ADAMTSL1: variants seen among roughly 807,000 people sequenced by gnomAD.
The protein encoded by ADAMTSL1 is ADAMTS like 1.
ADAMTSL1 carries 126 observed loss-of-function variants against 201.8 expected under a neutral mutation model. The ratio of observed to expected loss-of-function variants is 0.62; its 90% CI spans 0.54 to 0.72. The LOEUF (loss-of-function observed/expected upper bound fraction) is 0.72. Ranked by LOEUF, ADAMTSL1 falls within the 30% of genes least tolerant of loss-of-function variation. The pLI is 0.00. For synonymous variants in ADAMTSL1, 1,121 were observed against 903.4 expected, an observed-to-expected ratio of 1.24 and a Z score of -4.32; for missense variants, 2,679 against 2,277.8, an observed-to-expected ratio of 1.18 and a Z score of -3.59.
At chr9:18,347,827 T>C (rs1418270119) in intron 2 of ADAMTSL1, among the ~76,000 whole-genome samples, 2 of 152,142 alleles carry the variant, frequency 1.3e-5, no homozygotes, top group African/African-American at 2.4e-5. Context: ...AGTTAGGTGT[T>C]GAATGCGGCA....
At chr9:18,245,304 C>A (rs1214405089) in intron 2 of ADAMTSL1, among the ~76,000 whole-genome samples, 1 of 152,094 alleles carries the variant, frequency 6.6e-6, no homozygotes. Context: ...TTTTGACGTT[C>A]AATCAATATT....
chr9:18,514,398 C>T (rs1818237843), intron 2 of ADAMTSL1, among the ~76,000 whole-genome samples: 1 of 141,404 alleles, frequency 7.1e-6, no homozygotes, highest in African/African-American at 2.7e-5. Flanking sequence ...GGCACTATCT[C>T]GGCTCACTGC....
At chr9:18,828,734 C>T (rs1824784359) in intron 22 of ADAMTSL1, among the ~76,000 whole-genome samples, 1 of 134,702 alleles carries the variant, frequency 7.4e-6, no homozygotes, top group Admixed American at 7.4e-5. Context: ...TACACACACA[C>T]ACATATGTAA....
chr9:18,051,612 G>T, intron 1 of ADAMTSL1, among the ~76,000 whole-genome samples: 1 of 151,838 alleles, frequency 6.6e-6, no homozygotes, highest in East Asian at 1.9e-4. Flanking sequence ...ATACAGTTAG[G>T]CTATTCATTT....
intron 2 of ADAMTSL1, among the ~76,000 whole-genome samples, chr9:18,455,780 A>G (rs1306058647): frequency 1.3e-5 from 2 of 149,938 alleles, no homozygotes; most frequent in Non-Finnish European, 3.0e-5. Context: ...ATGTACATAC[A>G]TACACATATA....
intron 2 of ADAMTSL1, among the ~76,000 whole-genome samples, chr9:18,394,829 G>A (rs959068833): frequency 7.9e-5 from 12 of 152,146 alleles, no homozygotes; most frequent in Admixed American, 6.5e-5. Flanking sequence ...GCTATTAAAT[G>A]GAACACTTAA....
chr9:18,769,744 C>T (rs1171234376), intron 16 of ADAMTSL1, among the ~76,000 whole-genome samples: 2 of 152,178 alleles, frequency 1.3e-5, no homozygotes, highest in Admixed American at 1.3e-4. Context: ...GTTTATATCC[C>T]ATCGGCCAGC....
At position 18,706,555 on chromosome 9, in the gene ADAMTSL1, C is replaced by G. The variant is rs1832243302; in HGVS notation, c.1575-192C>G. The G allele has an allele frequency of 8.8e-6, 5 of 566,550 alleles. No homozygotes were observed. In the East Asian group the frequency reaches 1.5e-4, roughly 17 times the overall value. The allele number at this position is 566,550 out of a possible 1,614,324, so 35.1% of individuals were successfully genotyped here. ...GTTCATGTGACATTCATGAAGCAAGCAACCCAGAAACAGTGGCAAAATCGC... is the reference window on the plus strand; with the variant it reads ...GTTCATGTGACATTCATGAAGCAAGGAACCCAGAAACAGTGGCAAAATCGC... On this transcript the variant is annotated intron_variant, in intron 13 of 28. Transcript: ENST00000380548.
chr9:18,776,668 T>C (rs996973199), intron 18 of ADAMTSL1, 113 bp from the exon 19 acceptor site: 5 of 1,243,344 alleles, frequency 4.0e-6, no homozygotes, highest in South Asian at 3.2e-5. Flanking sequence ...CGTCTCTCCT[T>C]CTCTTCTCCA....
intron 16 of ADAMTSL1, among the ~76,000 whole-genome samples, chr9:18,769,047 G>A (rs192950522): frequency 2.0e-5 from 3 of 152,272 alleles, no homozygotes; most frequent in East Asian, 3.9e-4. Flanking sequence ...TGAGGCCCAG[G>A]CATCGGTACT....
At chr9:18,393,294 C>G (rs756343158) in intron 2 of ADAMTSL1, among the ~76,000 whole-genome samples, 1 of 152,134 alleles carries the variant, frequency 6.6e-6, no homozygotes, top group Non-Finnish European at 1.5e-5. Flanking sequence ...CTGTTGCATT[C>G]CACTTAATTG....
intron 1 of ADAMTSL1, among the ~76,000 whole-genome samples, chr9:18,093,904 G>C (rs1824131282): frequency 6.6e-6 from 1 of 152,124 alleles, no homozygotes; most frequent in South Asian, 2.1e-4. Flanking sequence ...AGGTCATTGT[G>C]CAATGGAGCA....
Position 18,622,245 on chromosome 9 carries a change from T to G in ADAMTSL1, c.477T>G (p.Ile159Met). ...TACACATCTCTCTTTCTTGTTAGATTGTTGGCTGCGATCACCAGCTGGGAA... is the reference window on the plus strand; with the variant it reads ...TACACATCTCTCTTTCTTGTTAGATGGTTGGCTGCGATCACCAGCTGGGAA... ...LDMCISGLCQ[I>M]VGCDHQLGST... Residue 159 changes from isoleucine (I) to methionine (M), a missense_variant and splice_region_variant, in exon 5 of 29, where the codon ATT becomes ATG. Coordinates refer to ENST00000380548, the MANE Select transcript of ADAMTSL1 (RefSeq NM_001040272.6). 1 of 1,613,764 alleles carries G rather than the reference T, an allele frequency of 6.2e-7. No individual in the cohort carries two copies. The highest frequency in any genetic ancestry group is 8.5e-7 in the Non-Finnish European group (1 of 1,179,794).
intron 3 of ADAMTSL1, among the ~76,000 whole-genome samples, chr9:18,547,633 T>A (rs12344654): frequency 0.31 from 27,113 of 86,162 alleles, 4,432 homozygotes; most frequent in East Asian, 0.61. Flanking sequence ...TATATATATA[T>A]AAAAAAAAAA....
At chr9:18,716,177 G>T (rs573521566) in intron 14 of ADAMTSL1, among the ~76,000 whole-genome samples, 2 of 152,042 alleles carry the variant, frequency 1.3e-5, no homozygotes, top group East Asian at 1.9e-4. Context: ...ATAGGCATGG[G>T]CAAGGACTTC....
chr9:18,546,049 A>G (rs2132186900), intron 3 of ADAMTSL1, among the ~76,000 whole-genome samples: 1 of 152,240 alleles, frequency 6.6e-6, no homozygotes, highest in Non-Finnish European at 1.5e-5. Context: ...TTAGTTAACA[A>G]GTTTTTGTAC....
chr9:18,503,188 A>G (rs1822930893), intron 1 of ADAMTSL1, among the ~76,000 whole-genome samples: 1 of 151,742 alleles, frequency 6.6e-6, no homozygotes, highest in Admixed American at 6.6e-5. Context: ...TTCTGCATCC[A>G]TAAAACAACT....
At position 18,893,331 on chromosome 9, in the gene ADAMTSL1, GTCA is replaced by G. The variant is rs201830319; in HGVS notation, c.4851+739_4851+741del. On this transcript the variant is annotated intron_variant, in intron 26 of 28. Coordinates refer to ENST00000380548, the MANE Select transcript of ADAMTSL1 (RefSeq NM_001040272.6). Reference sequence around the variant, plus strand: ...CAAATGACAGATGTTTCTGCACTGTGTCATCAAGGTCACTCAAGGAGGGACGTA... The same window carrying G: ...CAAATGACAGATGTTTCTGCACTGTGTCAAGGTCACTCAAGGAGGGACGTA... Among the ~76,000 whole-genome samples, 24 of 152,176 alleles carry G rather than the reference GTCA, an allele frequency of 1.6e-4. No individual in the cohort carries two copies. In the East Asian group the frequency reaches 4.2e-3, roughly 27 times the overall value.
intron 7 of ADAMTSL1, among the ~76,000 whole-genome samples, chr9:18,646,539 C>A (rs1827822241): frequency 6.8e-6 from 1 of 146,744 alleles, no homozygotes; most frequent in African/African-American, 2.6e-5. Flanking sequence ...TCACAGATAG[C>A]TCTTATTATT....
Sources: allele counts gnomAD v4.1 joint callset (sites outside exome capture counted in the v4.1 genomes callset), GRCh38; gene constraint gnomAD v4.1.1; transcripts MANE v1.5; gene names NCBI Gene and HGNC (gene_info 2026-07-23, HGNC 2026-07-21).